The following CNTN5 variants were observed in gnomAD, a reference collection of about 807,000 sequenced individuals.
The protein encoded by CNTN5 is contactin-5.
In CNTN5, 77 loss-of-function variants were observed where a neutral mutation model predicts 129.1. The ratio of observed to expected loss-of-function variants is 0.60; its 90% CI spans 0.50 to 0.72. CNTN5 has a LOEUF of 0.72. Among genes scored for constraint, CNTN5 ranks in the 30% least tolerant of loss-of-function variants. The probability of loss-of-function intolerance (pLI) is 0.00; values close to 1 mark genes in which losing one functional copy is unlikely to be tolerated. For synonymous variants in CNTN5, 509 were observed against 465.6 expected, an observed-to-expected ratio of 1.09 and a Z score of -1.20; for missense variants, 1,478 against 1,328.8, an observed-to-expected ratio of 1.11 and a Z score of -1.75.
At position 99,639,109 on chromosome 11, in the gene CNTN5, C is replaced by T. The variant is rs1257727430; in HGVS notation, c.55+82840C>T. Among the ~76,000 whole-genome samples the T allele has an allele frequency of 2.0e-5, 3 of 152,232 alleles. No homozygotes were observed. The East Asian group carries it at 5.8e-4, about 29-fold the overall frequency. ...AAGGTTCCCAAACCTCAATTCTTGA[C>T]TTCTGTGTACCTTCAGGCTCAAGAC... On this transcript the variant is annotated intron_variant, in intron 3 of 24. Transcript: ENST00000524871.
At chr11:99,307,486 TCTAA>T (rs1407401579) in intron 1 of CNTN5, among the ~76,000 whole-genome samples, 2 of 152,156 alleles carry the variant, frequency 1.3e-5, no homozygotes, top group African/African-American at 4.8e-5. Flanking sequence ...TTCAGCTTTA[TCTAA>T]CTATAATATC....
At chr11:99,815,277 G>A (rs1314306640) in intron 3 of CNTN5, among the ~76,000 whole-genome samples, 6 of 152,086 alleles carry the variant, frequency 3.9e-5, no homozygotes, top group African/African-American at 1.4e-4. Flanking sequence ...AAAGTTGAGC[G>A]TTAGATAAAG....
chr11:99,221,947 G>T (rs958481813), intron 1 of CNTN5, among the ~76,000 whole-genome samples: 1 of 151,824 alleles, frequency 6.6e-6, no homozygotes, highest in Admixed American at 6.6e-5. Flanking sequence ...CAATTGGACA[G>T]CAATTTTAAA....
chr11:100,240,336 G>C (rs1949713688), intron 16 of CNTN5, among the ~76,000 whole-genome samples: 1 of 151,850 alleles, frequency 6.6e-6, no homozygotes, highest in African/African-American at 2.4e-5. Flanking sequence ...ATAGTACCAA[G>C]TTCACTGTCA....
intron 3 of CNTN5, among the ~76,000 whole-genome samples, chr11:99,747,054 A>G (rs1191970290): frequency 2.0e-5 from 3 of 152,204 alleles, no homozygotes; most frequent in Non-Finnish European, 2.9e-5. Flanking sequence ...ATCCATAAAT[A>G]TGAGATATCC....
At chr11:99,703,815 C>A (rs188942930) in intron 3 of CNTN5, among the ~76,000 whole-genome samples, 15 of 151,022 alleles carry the variant, frequency 9.9e-5, no homozygotes, top group Non-Finnish European at 1.8e-4. Context: ...TCTACTGGAT[C>A]TCATTCAACT....
chr11:99,483,690 G>A (rs2135322185), intron 2 of CNTN5, among the ~76,000 whole-genome samples: 2 of 151,014 alleles, frequency 1.3e-5, no homozygotes, highest in African/African-American at 4.9e-5. Flanking sequence ...GTGGGGTTGC[G>A]GGGGTGTGCT....
chr11:99,906,949 T>C (rs1013349551), intron 6 of CNTN5, among the ~76,000 whole-genome samples: 9 of 152,180 alleles, frequency 5.9e-5, no homozygotes, highest in Non-Finnish European at 1.3e-4. Flanking sequence ...TAGTTTGTAT[T>C]TCTGTGGGAT....
intron 1 of CNTN5, among the ~76,000 whole-genome samples, chr11:99,271,145 G>C (rs2135856411): frequency 6.6e-6 from 1 of 151,898 alleles, no homozygotes; most frequent in African/African-American, 2.4e-5. Flanking sequence ...ATCTTATGTT[G>C]ATATAAAATT....
intron 9 of CNTN5, among the ~76,000 whole-genome samples, chr11:100,013,713 T>C (rs1315753544): frequency 6.6e-6 from 1 of 152,184 alleles, no homozygotes; most frequent in Non-Finnish European, 1.5e-5. Flanking sequence ...TCCCACTGAG[T>C]ATTCTACTAG....
At chr11:99,694,914 T>C (rs1488195796) in intron 3 of CNTN5, among the ~76,000 whole-genome samples, 4 of 152,132 alleles carry the variant, frequency 2.6e-5, no homozygotes, top group African/African-American at 7.2e-5. Context: ...TACTGATAAA[T>C]ATAGAGATTA....
intron 2 of CNTN5, among the ~76,000 whole-genome samples, chr11:99,473,293 G>A (rs1945246372): frequency 6.6e-6 from 1 of 152,034 alleles, no homozygotes; most frequent in South Asian, 2.1e-4. Flanking sequence ...GACTAATTTT[G>A]ATTTTCACTT....
At chr11:99,587,405 C>T (rs191772706) in intron 3 of CNTN5, among the ~76,000 whole-genome samples, 2 of 152,126 alleles carry the variant, frequency 1.3e-5, no homozygotes, top group East Asian at 1.9e-4. Flanking sequence ...CATAAAGGAG[C>T]GACAAATTCA....
At chr11:100,321,226 TA>T (rs537678167) in intron 21 of CNTN5, among the ~76,000 whole-genome samples, 7 of 152,010 alleles carry the variant, frequency 4.6e-5, no homozygotes, top group Non-Finnish European at 1.0e-4. Flanking sequence ...TTGATTTTTT[TA>T]ATCAATGTTT....
In CNTN5 at chr11:100,358,763, T is replaced by A. The variant is rs1952580658; in HGVS notation, c.*2543T>A. 6.6e-6 allele frequency: 1 copy of A among 151,932 alleles called. No individual in the cohort carries two copies. Among genetic ancestry groups the A allele is most frequent in the African/African-American group, 2.4e-5 (1 of 41,432 alleles). The allele number at this position is 151,932 out of a possible 1,614,324, so 9.4% of individuals were successfully genotyped here. On this transcript the variant is annotated 3_prime_UTR_variant, in exon 25 of 25. Transcript: ENST00000524871. The stretch of plus-strand genomic sequence containing the variant: ...AAACTGTTAAATATATTGTGTACGA[T>A]CTGTATATATACTATATATAAGGCA...
rs188515311 is a variant in CNTN5, at chr11:99,260,585, C to T, written c.-209-64761C>T. Among the ~76,000 whole-genome samples, 193 of 151,930 alleles carry T rather than the reference C, an allele frequency of 1.3e-3. No homozygotes were observed. In the Middle Eastern group the frequency reaches 0.017, roughly 13 times the overall value. On this transcript the variant is annotated intron_variant, in intron 1 of 24. Coordinates refer to ENST00000524871, the MANE Select transcript of CNTN5 (RefSeq NM_014361.4). ...CTTTGTTTCAAAATTTGGTCCAAAT[C>T]ATTATTTCTGAAAACAAGAAAACTA...
intron 4 of CNTN5, among the ~76,000 whole-genome samples, chr11:99,841,781 T>TTA (rs755315937): frequency 0.078 from 7,590 of 96,788 alleles, 376 homozygotes; most frequent in East Asian, 0.25. Context: ...GGTTTGACAT[T>TTA]TATATATATA....
intron 3 of CNTN5, among the ~76,000 whole-genome samples, chr11:99,794,641 TA>T (rs2135452047): frequency 6.6e-6 from 1 of 152,336 alleles, no homozygotes. Context: ...CCTTAGCATT[TA>T]CTTATCTGTA....
intron 3 of CNTN5, among the ~76,000 whole-genome samples, chr11:99,582,099 G>A (rs1262334896): frequency 1.3e-5 from 2 of 151,996 alleles, no homozygotes; most frequent in African/African-American, 4.8e-5. Flanking sequence ...TAATTTGGCT[G>A]GATATGAAAT....
Sources: gnomAD v4.1 joint callset for allele counts (sites outside exome capture counted in the v4.1 genomes callset) on GRCh38, gnomAD v4.1.1 for gene constraint, MANE v1.5 for transcripts, NCBI Gene and HGNC (gene_info 2026-07-23, HGNC 2026-07-21) for gene names.